The following ERC1 variants were observed in gnomAD, a reference collection of about 807,000 sequenced individuals.
The protein encoded by ERC1 is RAB6 interacting protein 2.
Under a neutral mutation model 132.0 loss-of-function variants are expected in ERC1, and 56 were observed. That is an observed-to-expected ratio of 0.42 (90% CI 0.34 to 0.53). The LOEUF is 0.53. ERC1 is among the 20% of genes least tolerant of loss of function. The pLI, the probability that ERC1 is intolerant of heterozygous loss-of-function variation, is 0.03. For synonymous variants in ERC1, 478 were observed against 476.1 expected (o/e 1.00, Z -0.05); for missense variants, 1,202 against 1,349.9 (o/e 0.89, Z 1.72).
chr12:1,428,146 C>G (rs960002177), intron 17 of ERC1, among the ~76,000 whole-genome samples: 1 of 152,044 alleles, frequency 6.6e-6, no homozygotes, highest in Non-Finnish European at 1.5e-5. Flanking sequence ...GCTATCTTCC[C>G]CTATTTGTGG....
At chr12:1,197,789 T>C (rs1956476532) in intron 12 of ERC1, among the ~76,000 whole-genome samples, 1 of 152,232 alleles carries the variant, frequency 6.6e-6, no homozygotes, top group Non-Finnish European at 1.5e-5. Context: ...TAAGGTCTGG[T>C]TGAGCTCTAC....
At chr12:1,194,314 A>G (rs1956015673) in intron 12 of ERC1, among the ~76,000 whole-genome samples, 1 of 152,150 alleles carries the variant, frequency 6.6e-6, no homozygotes, top group Admixed American at 6.5e-5. Context: ...CCAGCTACTC[A>G]GGAGGCTGAG....
chr12:1,382,885 AATAG>A (rs2088855128), intron 16 of ERC1, among the ~76,000 whole-genome samples: 1 of 152,206 alleles, frequency 6.6e-6, no homozygotes, highest in Non-Finnish European at 1.5e-5. Context: ...CCTTCAAAGA[AATAG>A]ATCATATTTT....
intron 18 of ERC1, among the ~76,000 whole-genome samples, chr12:1,477,043 A>G (rs2093988196): frequency 6.6e-6 from 1 of 152,350 alleles, no homozygotes; most frequent in African/African-American, 2.4e-5. Context: ...TCACCAAGAG[A>G]TGTTTATCAG....
intron 18 of ERC1, among the ~76,000 whole-genome samples, chr12:1,477,233 A>G (rs1437849026): frequency 6.6e-6 from 1 of 152,240 alleles, no homozygotes; most frequent in East Asian, 1.9e-4. Flanking sequence ...CTACCTCAAA[A>G]GAAATAAATT....
At chr12:1,274,748 C>T (rs1425954907) in intron 14 of ERC1, among the ~76,000 whole-genome samples, 1 of 152,190 alleles carries the variant, frequency 6.6e-6, no homozygotes, top group Non-Finnish European at 1.5e-5. Flanking sequence ...ACCTTGACCT[C>T]CCAAGGTGCT....
rs1193751026 is a variant in ERC1, at chr12:1,394,032, AACAAAAAAAAAACC to A, written c.2926-14111_2926-14098del. ...CTCCGTCTCAAAAAAAAAAAAAAAA[AACAAAAAAAAAACC>A]ACAAAGCATTAAGCAATTTAATTTC... is the stretch of plus-strand genomic sequence containing the variant. On this transcript the variant is annotated intron_variant, in intron 16 of 18. Transcript: ENST00000360905. Among the ~76,000 whole-genome samples the A allele has an allele frequency of 2.2e-4, 25 of 115,322 alleles. 1 individual carries two copies. Among genetic ancestry groups the A allele is most frequent in the African/African-American group, 7.8e-4 (22 of 28,342 alleles). The allele number at this position is 115,322 out of a possible 152,430, so 75.7% of individuals were successfully genotyped here. A position where few individuals can be genotyped will look rare whatever the true frequency, so the allele number is the denominator to read the frequency against.
chr12:1,312,451 C>T lies in ERC1; in HGVS notation c.2780+22439C>T, dbSNP rs529234156. Among the ~76,000 whole-genome samples, 174 of 152,204 alleles carry T rather than the reference C, an allele frequency of 1.1e-3. 1 individual carries two copies. The highest frequency in any genetic ancestry group is 3.9e-3 in the African/African-American group (162 of 41,530). ...ATCTCGGCTCACTGCAACCACCTCC[C>T]GGGTTTGAGTGATTCTCATGCCTCA... On this transcript the variant is annotated intron_variant, in intron 15 of 18. Coordinates refer to ENST00000360905, the MANE Select transcript of ERC1 (RefSeq NM_178040.4).
At chr12:1,021,876 C>G (rs1966435426) in intron 1 of ERC1, among the ~76,000 whole-genome samples, 1 of 152,028 alleles carries the variant, frequency 6.6e-6, no homozygotes, top group Non-Finnish European at 1.5e-5. Flanking sequence ...AATAAAAGTT[C>G]TTTGTGTTTG....
At position 1,493,551 on chromosome 12, in the gene ERC1, A is replaced by ATATATATC. The variant is rs2094337974; in HGVS notation, c.*3328_*3329insCTATATAT. The ATATATATC allele has an allele frequency of 2.5e-4, 21 of 83,466 alleles. 2 individuals are homozygous for ATATATATC. In the South Asian group the frequency reaches 9.4e-3, roughly 37 times the overall value. The allele number at this position is 83,466 out of a possible 1,614,324, so 5.2% of individuals were successfully genotyped here. ...CCATTTAAAAAAAAAAAAAAAAAATATATATATATATATATATATATATAT... is the reference window on the plus strand; with the variant it reads ...CCATTTAAAAAAAAAAAAAAAAAATATATATATCTATATATATATATATATATATATAT... On this transcript the variant is annotated 3_prime_UTR_variant, in exon 19 of 19. Coordinates refer to ENST00000360905, the MANE Select transcript of ERC1 (RefSeq NM_178040.4).
chr12:1,072,841 C>T (rs989750746), intron 2 of ERC1, among the ~76,000 whole-genome samples: 3 of 152,042 alleles, frequency 2.0e-5, no homozygotes, highest in Admixed American at 2.0e-4. Context: ...TACAGGCATG[C>T]ACCACCATGC....
intron 18 of ERC1, among the ~76,000 whole-genome samples, chr12:1,454,775 T>C (rs2093495257): frequency 1.3e-5 from 2 of 152,242 alleles, no homozygotes; most frequent in South Asian, 4.1e-4. Context: ...TTTTAATACA[T>C]ATATGTTTCC....
At chr12:1,127,387 GT>G (rs1403972721) in intron 7 of ERC1, among the ~76,000 whole-genome samples, 2 of 152,094 alleles carry the variant, frequency 1.3e-5, no homozygotes, top group African/African-American at 4.8e-5. Context: ...CAGCATAAGT[GT>G]TTATTACTAG....
chr12:1,263,303 G>A (rs1169800911), intron 14 of ERC1, 138 bp downstream of exon 14: 1 of 736,036 alleles, frequency 1.4e-6, no homozygotes, highest in Non-Finnish European at 2.1e-6. Context: ...AAGTCCCAAG[G>A]AGTTCCTTCA....
chr12:1,138,071 T>A (rs1949456208), intron 7 of ERC1, among the ~76,000 whole-genome samples: 2 of 100,226 alleles, frequency 2.0e-5, no homozygotes, highest in Non-Finnish European at 2.1e-5. Flanking sequence ...TATATATTGT[T>A]TTATATTATA....
In ERC1 at chr12:1,090,893, ATT is replaced by A. The variant is rs1565941720; in HGVS notation, c.1086+7314_1086+7315del. On this transcript the variant is annotated intron_variant, in intron 3 of 18. Transcript: ENST00000360905. Reference sequence around the variant, plus strand: ...TATTATTATTATTATTATTATTATTATTATTATTATTATTATTATCATTTGTG... The same window carrying A: ...TATTATTATTATTATTATTATTATTAATTATTATTATTATTATCATTTGTG... Among the ~76,000 whole-genome samples the A allele has an allele frequency of 8.8e-4, 13 of 14,856 alleles. 4 individuals carry two copies. The highest frequency in any genetic ancestry group is 2.3e-3 in the African/African-American group (13 of 5,536). The allele number at this position is 14,856 out of a possible 152,430, so 9.7% of individuals were successfully genotyped here.
chr12:1,285,855 A>G (rs1018327099), intron 14 of ERC1, among the ~76,000 whole-genome samples: 7 of 152,256 alleles, frequency 4.6e-5, no homozygotes, highest in African/African-American at 1.7e-4. Flanking sequence ...AGAAAAGCTT[A>G]GGCCTGTCTC....
rs535250884 is a variant in ERC1, at chr12:1,104,842, A to G, written c.1161+18A>G. The G allele has an allele frequency of 7.1e-6, 11 of 1,553,860 alleles. No homozygotes were observed. The African/African-American group carries it at 1.2e-4, about 17-fold the overall frequency. ...AGATGAAGGTAAGTGAGAATCTAGTAAAGAATCTTATGAATTACCTTATAC... is the reference window on the plus strand; with the variant it reads ...AGATGAAGGTAAGTGAGAATCTAGTGAAGAATCTTATGAATTACCTTATAC... On this transcript the variant is annotated intron_variant, in intron 4 of 18. Coordinates refer to ENST00000360905, the MANE Select transcript of ERC1 (RefSeq NM_178040.4).
At chr12:1,148,863 A>C (rs1950601072) in intron 8 of ERC1, among the ~76,000 whole-genome samples, 1 of 152,140 alleles carries the variant, frequency 6.6e-6, no homozygotes, top group Admixed American at 6.5e-5. Flanking sequence ...CGGCCTCCCA[A>C]AGTGCAGGGA....
Sources: allele counts gnomAD v4.1 joint callset (sites outside exome capture counted in the v4.1 genomes callset), GRCh38; gene constraint gnomAD v4.1.1; transcripts MANE v1.5; gene names NCBI Gene and HGNC (gene_info 2026-07-23, HGNC 2026-07-21).